Variants in EXT2 observed in about 807,000 individuals in gnomAD.
EXT2 encodes the protein exostosin glycosyltransferase 2.
In EXT2, 53 loss-of-function variants were observed where a neutral mutation model predicts 81.6. That is an observed-to-expected ratio of 0.65 (90% CI 0.52 to 0.82). The LOEUF (loss-of-function observed/expected upper bound fraction) is 0.82, where lower values mean the gene tolerates loss of function less well. Ranked by LOEUF, EXT2 falls within the 40% of genes least tolerant of loss-of-function variation. The probability of loss-of-function intolerance (pLI) is 0.00; values close to 1 mark genes in which losing one functional copy is unlikely to be tolerated. For synonymous variants in EXT2, 320 were observed against 340.0 expected, an observed-to-expected ratio of 0.94 and a Z score of 0.65; for missense variants, 774 against 910.2, an observed-to-expected ratio of 0.85 and a Z score of 1.93.
intron 7 of EXT2, among the ~76,000 whole-genome samples, chr11:44,158,324 A>G (rs1429686553): frequency 6.6e-6 from 1 of 152,142 alleles, no homozygotes; most frequent in African/African-American, 2.4e-5. Context: ...AAGTTTATTT[A>G]GGACCCCAGA....
At chr11:44,193,488 A>G (rs1339252574) in intron 8 of EXT2, among the ~76,000 whole-genome samples, 1 of 152,238 alleles carries the variant, frequency 6.6e-6, no homozygotes, top group Non-Finnish European at 1.5e-5. Flanking sequence ...AGACAGAGAA[A>G]CTGAGGTACA....
intron 8 of EXT2, among the ~76,000 whole-genome samples, chr11:44,191,249 G>A (rs1304036242): frequency 2.6e-5 from 4 of 152,240 alleles, no homozygotes; most frequent in Non-Finnish European, 4.4e-5. Context: ...TTGGAGGAGT[G>A]AGAAGTAAAC....
At position 44,188,708 on chromosome 11, in the gene EXT2, T is replaced by G. The variant is rs76152184; in HGVS notation, c.1306-9121T>G. On this transcript the variant is annotated intron_variant, in intron 8 of 13. Coordinates refer to ENST00000533608, the MANE Select transcript of EXT2 (RefSeq NM_207122.2). The stretch of plus-strand genomic sequence containing the variant: ...CAGACATGCAAGGGCTTGCAATTAT[T>G]AGATTAGATTATTAGAGTCAATGAA... Among the ~76,000 whole-genome samples the G allele has an allele frequency of 4.7e-3, 716 of 152,258 alleles. 5 individuals carry two copies. The highest frequency in any genetic ancestry group is 0.03 in the East Asian group (157 of 5,178).
chr11:44,158,170 AG>A (rs1172394336), intron 7 of EXT2, among the ~76,000 whole-genome samples: 1 of 152,146 alleles, frequency 6.6e-6, no homozygotes, highest in Non-Finnish European at 1.5e-5. Flanking sequence ...GCACTGCCTG[AG>A]GTTGGGGGAG....
chr11:44,171,718 A>G lies in EXT2; in HGVS notation c.1281A>G (p.Glu427=). 1 of 1,614,094 alleles carries G rather than the reference A, an allele frequency of 6.2e-7. No homozygotes were observed. The stretch of plus-strand genomic sequence containing the variant: ...ATCCATATGCTGCCATCTCCTATGA[A>G]GAATGGAATGACCCTCCTGCTGTGG... ...RIYPYAAISY[E]EWNDPPAVKW... The change falls in exon 8 of 14, where the codon GAA becomes GAG. Residue 427 remains glutamate (E), a synonymous_variant. Coordinates refer to ENST00000533608, the MANE Select transcript of EXT2 (RefSeq NM_207122.2).
chr11:44,149,319 G>T (rs1954761478), intron 7 of EXT2, among the ~76,000 whole-genome samples: 1 of 152,194 alleles, frequency 6.6e-6, no homozygotes, highest in Non-Finnish European at 1.5e-5. Context: ...CTGTGATCAT[G>T]CCACTGCACT....
chr11:44,127,663 G>A (rs1224886536), intron 6 of EXT2, among the ~76,000 whole-genome samples: 2 of 152,154 alleles, frequency 1.3e-5, no homozygotes, highest in East Asian at 3.8e-4. Flanking sequence ...AGCCTAGACC[G>A]GTGTTCAACT....
intron 10 of EXT2, among the ~76,000 whole-genome samples, chr11:44,210,616 C>T (rs1442039319): frequency 1.3e-5 from 2 of 151,918 alleles, no homozygotes; most frequent in Non-Finnish European, 2.9e-5. Flanking sequence ...TATACAGATG[C>T]CAAAACATGT....
At chr11:44,114,445 C>T in intron 4 of EXT2, 144 bp downstream of exon 4, 1 of 776,790 alleles carries the variant, frequency 1.3e-6, no homozygotes, top group African/African-American at 1.7e-5. Flanking sequence ...TCTTTCCCAC[C>T]TCCATGCAGT....
chr11:44,169,289 G>A lies in EXT2; in HGVS notation c.1174-2322G>A, dbSNP rs575149089. Reference sequence around the variant, plus strand: ...ACATGTCTTGTGGGATTTAAAATATGTAGATGAAAAATATTTGACAATAAT... The same window carrying A: ...ACATGTCTTGTGGGATTTAAAATATATAGATGAAAAATATTTGACAATAAT... On this transcript the variant is annotated intron_variant, in intron 7 of 13. Transcript: ENST00000533608. Among the ~76,000 whole-genome samples the A allele has an allele frequency of 6.3e-4, 96 of 151,870 alleles. 1 individual carries two copies. The highest frequency in any genetic ancestry group is 1.8e-3 in the African/African-American group (76 of 41,486).
Position 44,145,993 on chromosome 11 carries a change from A to C in EXT2, c.1173+15855A>C, listed in dbSNP as rs142706454. ...CAAAATACCACAGACGGGGTGGCTTAAACAACAGAAATCTATTTCTCACAG... is the reference window on the plus strand; with the variant it reads ...CAAAATACCACAGACGGGGTGGCTTCAACAACAGAAATCTATTTCTCACAG... On this transcript the variant is annotated intron_variant, in intron 7 of 13. Transcript: ENST00000533608. Among the ~76,000 whole-genome samples the C allele has an allele frequency of 8.7e-3, 1,319 of 152,306 alleles. 23 individuals are homozygous for C. The highest frequency in any genetic ancestry group is 0.03 in the African/African-American group (1,231 of 41,556).
chr11:44,234,150 G>T lies in EXT2; in HGVS notation c.1842G>T (p.Gly614=), dbSNP rs1304189002. The T allele has an allele frequency of 6.2e-7, 1 of 1,613,890 alleles. No individual in the cohort carries two copies. Residue 614 remains glycine, a synonymous_variant, in exon 12 of 14, where the codon GGG becomes GGT. Coordinates refer to ENST00000533608, the MANE Select transcript of EXT2 (RefSeq NM_207122.2). The part of the protein sequence containing the change: ...FNYLYTYKMP[G]DIKNWVDAHM... The stretch of plus-strand genomic sequence containing the variant: ...ACCTGTATACCTACAAAATGCCTGG[G>T]GATATCAAGAACTGGGTAGATGCTC...
intron 9 of EXT2, among the ~76,000 whole-genome samples, chr11:44,200,128 C>T (rs1007265857): frequency 3.0e-4 from 45 of 149,036 alleles, no homozygotes; most frequent in Admixed American, 2.5e-3. Flanking sequence ...TTTTCACGTA[C>T]AGCATTAGTA....
chr11:44,173,312 C>G (rs189008698), intron 8 of EXT2, among the ~76,000 whole-genome samples: 150 of 152,228 alleles, frequency 9.9e-4, no homozygotes, highest in African/African-American at 3.5e-3. Context: ...ACTCCATTAC[C>G]AAAGGTAACA....
intron 1 of EXT2, chr11:44,103,570 G>T: frequency 5.2e-6 from 2 of 385,894 alleles, no homozygotes; most frequent in Admixed American, 3.9e-5. Flanking sequence ...TTTTTTTTCT[G>T]AACTCTGGAA....
intron 8 of EXT2, among the ~76,000 whole-genome samples, chr11:44,179,540 G>A (rs1955205679): frequency 6.6e-6 from 1 of 152,188 alleles, no homozygotes; most frequent in Non-Finnish European, 1.5e-5. Context: ...TTTTGGCAAA[G>A]TAATCTTTCA....
intron 10 of EXT2, among the ~76,000 whole-genome samples, chr11:44,224,366 A>G (rs1309591100): frequency 6.6e-6 from 1 of 152,062 alleles, no homozygotes; most frequent in East Asian, 1.9e-4. Context: ...ATCTATATCT[A>G]TATTTATTAG....
intron 7 of EXT2, among the ~76,000 whole-genome samples, chr11:44,138,903 G>A (rs1035063873): frequency 1.1e-4 from 16 of 152,182 alleles, no homozygotes; most frequent in Non-Finnish European, 2.4e-4. Context: ...CTCTATGCTG[G>A]CCGTCATTTG....
chr11:44,109,952 G>A (rs905130007), intron 3 of EXT2, among the ~76,000 whole-genome samples: 9 of 152,138 alleles, frequency 5.9e-5, no homozygotes, highest in Non-Finnish European at 1.0e-4. Flanking sequence ...CTGGTATGAG[G>A]TGCTACTTAA....
Sources: allele counts gnomAD v4.1 joint callset (sites outside exome capture counted in the v4.1 genomes callset), GRCh38; gene constraint gnomAD v4.1.1; transcripts MANE v1.5; gene names NCBI Gene and HGNC (gene_info 2026-07-23, HGNC 2026-07-21).